Variants in HDAC9 observed in about 807,000 individuals in gnomAD.
HDAC9 encodes histone deacetylase 9.
In HDAC9, 41 loss-of-function variants were observed where a neutral mutation model predicts 139.4. The observed-to-expected ratio is 0.29, with a 90% CI of 0.23 to 0.38. The LOEUF (loss-of-function observed/expected upper bound fraction) is 0.38. Among genes scored for constraint, HDAC9 ranks in the 10% least tolerant of loss-of-function variants. HDAC9 has a pLI of 1.00. For synonymous variants in HDAC9, 517 were observed against 476.2 expected (o/e 1.09, Z -1.12); for missense variants, 1,147 against 1,297.0 (o/e 0.88, Z 1.78).
At chr7:18,834,437 T>A (rs890067296) in intron 19 of HDAC9, among the ~76,000 whole-genome samples, 1 of 151,992 alleles carries the variant, frequency 6.6e-6, no homozygotes, top group Non-Finnish European at 1.5e-5. Flanking sequence ...TGCTATTAGT[T>A]CTATTGACTT....
At chr7:18,786,486 C>CCTTCCTTCCTTCCTTCCTTCCTTCCTTCA (rs766384933) in intron 16 of HDAC9, among the ~76,000 whole-genome samples, 21 of 32,728 alleles carry the variant, frequency 6.4e-4, no homozygotes, top group African/African-American at 1.4e-3. Context: ...TCCTTCCTTT[C>CCTTCCTTCCTTCCTTCCTTCCTTCCTTCA]TTCCTTCCTT....
intron 2 of HDAC9, among the ~76,000 whole-genome samples, chr7:18,547,806 C>CTCTT: frequency 1.5e-5 from 1 of 68,018 alleles, no homozygotes; most frequent in Non-Finnish European, 2.9e-5. Context: ...TTCAAGAAAC[C>CTCTT]CCTTCCTTCC....
At chr7:18,980,102 T>TTATC (rs1320814933) in intron 25 of HDAC9, among the ~76,000 whole-genome samples, 1 of 152,100 alleles carries the variant, frequency 6.6e-6, no homozygotes, top group Non-Finnish European at 1.5e-5. Flanking sequence ...CCCTCTTCAT[T>TTATC]TATCTTTCCT....
At chr7:18,362,327 A>C (rs962692406) in intron 1 of HDAC9, among the ~76,000 whole-genome samples, 2 of 152,190 alleles carry the variant, frequency 1.3e-5, no homozygotes, top group African/African-American at 4.8e-5. Flanking sequence ...TATTTGTGTT[A>C]GAGGAAAGTT....
chr7:18,245,228 C>G (rs531632840), intron 2 of HDAC9, among the ~76,000 whole-genome samples: 1 of 152,206 alleles, frequency 6.6e-6, no homozygotes, highest in African/African-American at 2.4e-5. Context: ...CTGCTTAGTA[C>G]TAATTCTTTC....
intron 1 of HDAC9, among the ~76,000 whole-genome samples, chr7:18,323,770 A>G (rs909693686): frequency 6.6e-6 from 1 of 152,104 alleles, no homozygotes; most frequent in African/African-American, 2.4e-5. Flanking sequence ...AGGAAAAGTC[A>G]GGTGTCTTAG....
intron 2 of HDAC9, among the ~76,000 whole-genome samples, chr7:18,567,093 C>T (rs1822594378): frequency 6.6e-6 from 1 of 152,186 alleles, no homozygotes; most frequent in Admixed American, 6.5e-5. Flanking sequence ...CCCACCTGCT[C>T]TCCAGACATG....
intron 2 of HDAC9, among the ~76,000 whole-genome samples, chr7:18,534,374 C>T (rs1810147906): frequency 6.6e-6 from 1 of 151,994 alleles, no homozygotes; most frequent in Non-Finnish European, 1.5e-5. Flanking sequence ...GACCCTGTTT[C>T]TACAAAACAA....
intron 2 of HDAC9, among the ~76,000 whole-genome samples, chr7:18,229,361 G>C (rs1051430932): frequency 3.3e-5 from 5 of 152,206 alleles, no homozygotes; most frequent in African/African-American, 1.2e-4. Context: ...GCCCACTGCT[G>C]TATCTTTTGT....
At chr7:18,625,902 G>A (rs1036244873) in intron 6 of HDAC9, among the ~76,000 whole-genome samples, 5 of 127,028 alleles carry the variant, frequency 3.9e-5, no homozygotes, top group Admixed American at 9.2e-5. Flanking sequence ...AGCCAAGATC[G>A]TACCACTACA....
intron 24 of HDAC9, among the ~76,000 whole-genome samples, chr7:18,965,899 G>C (rs989026298): frequency 6.6e-6 from 1 of 152,180 alleles, no homozygotes; most frequent in African/African-American, 2.4e-5. Context: ...GGGACATGTG[G>C]ATGAGGCCCT....
intron 2 of HDAC9, among the ~76,000 whole-genome samples, chr7:18,563,524 C>T (rs1234795894): frequency 2.0e-5 from 3 of 152,142 alleles, no homozygotes; most frequent in Admixed American, 1.3e-4. Context: ...ATAACCCCTA[C>T]AGGCAGAATT....
At chr7:18,852,847 T>C (rs1022894034) in intron 21 of HDAC9, among the ~76,000 whole-genome samples, 41 of 142,530 alleles carry the variant, frequency 2.9e-4, no homozygotes, top group Non-Finnish European at 4.1e-4. Flanking sequence ...GTAAAGGAGC[T>C]TTTTTTTTTT....
chr7:18,815,208 AT>A (rs375280657), intron 17 of HDAC9, among the ~76,000 whole-genome samples: 5,791 of 149,746 alleles, frequency 0.039, 104 homozygotes, highest in South Asian at 0.081. Flanking sequence ...TCCCTAATTT[AT>A]TTTTTTTTTG....
intron 25 of HDAC9, among the ~76,000 whole-genome samples, chr7:18,990,916 G>A (rs78318419): frequency 3.3e-4 from 51 of 152,328 alleles, no homozygotes; most frequent in South Asian, 1.2e-3. Flanking sequence ...CGCATGGAGC[G>A]CGCACCCACT....
chr7:18,760,259 A>T (rs1483802935), intron 14 of HDAC9, among the ~76,000 whole-genome samples: 1 of 152,126 alleles, frequency 6.6e-6, no homozygotes, highest in East Asian at 1.9e-4. Context: ...ACCATTATTT[A>T]TCTTGAGGGA....
chr7:18,543,121 A>G (rs887532466), intron 2 of HDAC9: 1 of 152,124 alleles, frequency 6.6e-6, no homozygotes, highest in African/African-American at 2.4e-5. Context: ...TTTTAAAGTT[A>G]TTTTTTGACA....
At chr7:18,426,696 G>A (rs1175615543) in intron 1 of HDAC9, among the ~76,000 whole-genome samples, 2 of 152,128 alleles carry the variant, frequency 1.3e-5, no homozygotes, top group South Asian at 2.1e-4. Flanking sequence ...CTTGTTTCAA[G>A]TCTAGTTTTA....
At chr7:18,853,604 G>A (rs1247502621) in intron 21 of HDAC9, among the ~76,000 whole-genome samples, 1 of 152,102 alleles carries the variant, frequency 6.6e-6, no homozygotes, top group Non-Finnish European at 1.5e-5. Flanking sequence ...TTAAGCATGT[G>A]CCATCTTTAA....
Sources: gnomAD v4.1 joint callset for allele counts (sites outside exome capture counted in the v4.1 genomes callset) on GRCh38, gnomAD v4.1.1 for gene constraint, MANE v1.5 for transcripts, NCBI Gene and HGNC (gene_info 2026-07-23, HGNC 2026-07-21) for gene names.